CERS1: variants seen among roughly 807,000 people sequenced by gnomAD.
CERS1 encodes Embryonic growth/differentiation factor 1.
In CERS1, 16 loss-of-function variants were observed where a neutral mutation model predicts 35.7. That is an observed-to-expected ratio of 0.45 (90% confidence interval 0.30 to 0.68). The LOEUF is 0.68. Among genes scored for constraint, CERS1 ranks in the 30% least tolerant of loss-of-function variants. The pLI, the probability that CERS1 is intolerant of heterozygous loss-of-function variation, is 0.08. For synonymous variants in CERS1, 243 were observed against 201.6 expected (o/e 1.21, Z -1.74); for missense variants, 454 against 453.9 (o/e 1.00, Z 0.00).
At chr19:18,879,157 C>T in intron 5 of CERS1, 84 bp downstream of exon 5, 2 of 1,597,060 alleles carry the variant, frequency 1.3e-6, no homozygotes, top group Non-Finnish European at 1.7e-6. Flanking sequence ...CTAACGTGCC[C>T]CTCCCCGGGA....
At chr19:18,869,489 G>T (rs186263243) in intron 7 of CERS1, 99 bp from the exon 8 acceptor site, 2 of 1,436,088 alleles carry the variant, frequency 1.4e-6, no homozygotes, top group African/African-American at 1.5e-5. Flanking sequence ...CTGGGGCTCG[G>T]GGCGCACCGT....
rs45601540 is a variant in CERS1 at position 18,884,185 on chromosome 19, G to A, written c.492C>T (p.Tyr164=). The A allele has an allele frequency of 9.0e-3, 14,602 of 1,613,654 alleles. 100 individuals carry two copies. Among genetic ancestry groups the A allele is most frequent in the Non-Finnish European group, 0.011 (12,433 of 1,179,804 alleles). The change falls in exon 3 of 8, where the codon TAC becomes TAT. Residue 164 remains tyrosine, a synonymous_variant. Coordinates refer to ENST00000623882, the MANE Select transcript of CERS1 (RefSeq NM_021267.5). ...GCCAGGTGTCCATGTATAGCGTAGC[G>A]TAGATGGAGTGGCCATAGAAGCTTC... ...LQGSFYGHSI[Y]ATLYMDTWRK... is the part of the protein sequence containing the mutation.
intron 2 of CERS1, among the ~76,000 whole-genome samples, chr19:18,889,289 A>C (rs1270324225): frequency 6.6e-6 from 1 of 152,164 alleles, no homozygotes; most frequent in East Asian, 1.9e-4. Flanking sequence ...TGTGAGCCCG[A>C]GCTTTTGCCC....
rs958445960 is a variant in CERS1 at position 18,880,978 on chromosome 19, C to T, written c.591-543G>A. Among the ~76,000 whole-genome samples, 7 of 151,884 alleles carry T rather than the reference C, an allele frequency of 4.6e-5. No homozygotes were observed. The East Asian group carries it at 1.4e-3, about 30-fold the overall frequency. The stretch of plus-strand genomic sequence containing the variant: ...CCTCCCAAAGTGCTGGGATTACAGG[C>T]GCGAGCCACTGTGCCCGGTCTTGGA... On this transcript the variant is annotated intron_variant, in intron 3 of 7. Coordinates refer to ENST00000623882, the MANE Select transcript of CERS1 (RefSeq NM_021267.5).
rs919007391 is a variant in CERS1, at chr19:18,878,770, C to T, written c.1010+160G>A. 1.2e-5 allele frequency: 17 copies of T among 1,443,510 alleles called. No homozygotes were observed. The African/African-American group carries it at 1.7e-4, about 14-fold the overall frequency. The allele number at this position is 1,443,510 out of a possible 1,614,324, so 89.4% of individuals were successfully genotyped here. On this transcript the variant is annotated intron_variant, in intron 6 of 7. Transcript: ENST00000623882. The surrounding 1 kb of genome is among the most constrained non-coding windows in gnomAD (Gnocchi z 4.6). ...CTGTCCTTCAGGGTACTGGCCACAT[C>T]GTCCACGCCTTTATTGCAGTCTCTG...
chr19:18,878,774 C>T lies in CERS1; in HGVS notation c.1010+156G>A. 6.9e-7 allele frequency: 1 copy of T among 1,453,146 alleles called. No homozygotes were observed. The highest frequency in any genetic ancestry group is 2.5e-5 in the East Asian group (1 of 39,546). 90.0% of individuals were successfully genotyped at this position (1,453,146 alleles called of 1,614,324 possible). ...CCTTCAGGGTACTGGCCACATCGTCCACGCCTTTATTGCAGTCTCTGTTTT... is the reference window on the plus strand; with the variant it reads ...CCTTCAGGGTACTGGCCACATCGTCTACGCCTTTATTGCAGTCTCTGTTTT... On this transcript the variant is annotated intron_variant, in intron 6 of 7. Transcript: ENST00000623882. The surrounding 1 kb of genome is among the most constrained non-coding windows in gnomAD (Gnocchi z 4.6).
rs1207248028 is a variant in CERS1, at chr19:18,895,586, C to G, written c.249+238G>C. Among the ~76,000 whole-genome samples the G allele has an allele frequency of 6.6e-6, 1 of 151,740 alleles. No individual in the cohort carries two copies. The highest frequency in any genetic ancestry group is 1.5e-5 in the Non-Finnish European group (1 of 67,880). On this transcript the variant is annotated intron_variant, in intron 1 of 7. Transcript: ENST00000623882. The surrounding 1 kb of genome is among the most constrained non-coding windows in gnomAD (Gnocchi z 6.4). ...CCCCAGCCCGGCCACACCCCCGCATCTACCCGGTTCCCCCACGCAGCACTG... is the reference window on the plus strand; with the variant it reads ...CCCCAGCCCGGCCACACCCCCGCATGTACCCGGTTCCCCCACGCAGCACTG...
At position 18,870,407 on chromosome 19, in the gene CERS1, T is replaced by TG; in HGVS notation, c.*169dup. The TG allele has an allele frequency of 1.8e-6, 2 of 1,084,356 alleles. No homozygotes were observed. Among genetic ancestry groups the TG allele is most frequent in the Non-Finnish European group, 2.4e-6 (2 of 823,326 alleles). The allele number at this position is 1,084,356 out of a possible 1,614,324, so 67.2% of individuals were successfully genotyped here. A position where few individuals can be genotyped will look rare whatever the true frequency, so the allele number is the denominator to read the frequency against. ...GGTGTCCCCGGAGGGGCAGGGGTCC[T>TG]GGGGGGCGTGGCCGGGAACTGGAGG... On this transcript the variant is annotated 3_prime_UTR_variant, in exon 7 of 8. Coordinates refer to ENST00000623882, the MANE Select transcript of CERS1 (RefSeq NM_021267.5). The surrounding 1 kb of genome is among the most constrained non-coding windows in gnomAD (Gnocchi z 5.1).
chr19:18,894,984 C>T (rs1326839028), intron 1 of CERS1, among the ~76,000 whole-genome samples: 2 of 152,226 alleles, frequency 1.3e-5, no homozygotes, highest in Non-Finnish European at 2.9e-5. Context: ...CGACCCCTCC[C>T]CAGGGAAGTG....
intron 2 of CERS1, 24 bp downstream of exon 2, chr19:18,893,392 C>A: frequency 6.3e-7 from 1 of 1,586,294 alleles, no homozygotes; most frequent in East Asian, 2.3e-5. Flanking sequence ...AGAGCCCTCC[C>A]GGCCATCCCC....
At chr19:18,879,663 C>G (rs1423114836) in intron 4 of CERS1, among the ~76,000 whole-genome samples, 1 of 149,728 alleles carries the variant, frequency 6.7e-6, no homozygotes, top group African/African-American at 2.5e-5. Context: ...CAGTCCCTCC[C>G]CTTCTCTGCT....
chr19:18,870,031 C>A lies in CERS1; in HGVS notation c.*546G>T. 6.3e-7 allele frequency: 1 copy of A among 1,596,884 alleles called. No individual in the cohort carries two copies. The highest frequency in any genetic ancestry group is 2.3e-5 in the East Asian group (1 of 43,968). The stretch of plus-strand genomic sequence containing the variant: ...ATGTTTCCGGCGACCCCCAGCTCCT[C>A]CACGTGGCACGGTTGCAGGGTGACC... On this transcript the variant is annotated 3_prime_UTR_variant, in exon 7 of 8. Transcript: ENST00000623882. The surrounding 1 kb of genome is among the most constrained non-coding windows in gnomAD (Gnocchi z 5.1).
chr19:18,870,217 C>CG lies in CERS1; in HGVS notation c.*359dup. On this transcript the variant is annotated 3_prime_UTR_variant, in exon 7 of 8. Transcript: ENST00000623882. This position sits in a 1 kb window ranked among gnomAD's most constrained non-coding sequence, Gnocchi z 5.1. ...AGGGCGGCGGCTGGGCCTGGGGGCA[C>CG]GGGGGCGCGGGTCAGGGGCAGCGAG... 2 of 1,554,084 alleles carry CG rather than the reference C, an allele frequency of 1.3e-6. No homozygotes were observed. Among genetic ancestry groups the CG allele is most frequent in the Non-Finnish European group, 8.7e-7 (1 of 1,155,440 alleles).
intron 6 of CERS1, among the ~76,000 whole-genome samples, chr19:18,872,709 T>A (rs1364603999): frequency 6.3e-4 from 96 of 152,008 alleles, no homozygotes; most frequent in Middle Eastern, 3.4e-3. Flanking sequence ...AGAGATGCGG[T>A]TTTACCATGT....
At chr19:18,896,849 G>A (rs765588535), upstream of CERS1, 17 of 149,118 alleles carry the variant, frequency 1.1e-4, no homozygotes, top group Non-Finnish European at 2.4e-4. This position sits in a 1 kb window ranked among gnomAD's most constrained non-coding sequence, Gnocchi z 5.9. Flanking sequence ...GGGCTACTGG[G>A]ACAAAGGTGT....
chr19:18,889,516 A>AAGCCTC (rs2056442855), intron 2 of CERS1, among the ~76,000 whole-genome samples: 1 of 152,160 alleles, frequency 6.6e-6, no homozygotes, highest in Non-Finnish European at 1.5e-5. Flanking sequence ...TCCCGGGCTC[A>AAGCCTC]AGCCTCAGCC....
chr19:18,887,137 A>G (rs2056381929), intron 2 of CERS1, among the ~76,000 whole-genome samples: 4 of 152,270 alleles, frequency 2.6e-5, no homozygotes, highest in African/African-American at 9.6e-5. Context: ...AAGAATAGAT[A>G]GGTTACCTCC....
chr19:18,895,877 C>A lies in CERS1; in HGVS notation c.196G>T (p.Gly66Cys). ...APPELLLLAL[G>C]ALGWTALRSA... ...CGCAGGGCGGTCCAGCCCAGCGCGCCGAGCGCCAGCAGCAGCAGCTCGGGC... is the reference window on the plus strand; with the variant it reads ...CGCAGGGCGGTCCAGCCCAGCGCGCAGAGCGCCAGCAGCAGCAGCTCGGGC... Residue 66 changes from glycine to cysteine, a missense_variant, in exon 1 of 8, where the codon GGC becomes TGC. Transcript: ENST00000623882. The surrounding 1 kb of genome is among the most constrained non-coding windows in gnomAD (Gnocchi z 6.4). The A allele has an allele frequency of 7.8e-7, 1 of 1,281,994 alleles. No homozygotes were observed. The highest frequency in any genetic ancestry group is 2.1e-5 in the South Asian group (1 of 47,108). The allele number at this position is 1,281,994 out of a possible 1,614,324, so 79.4% of individuals were successfully genotyped here.
chr19:18,885,055 G>C (rs1209791043), intron 2 of CERS1, among the ~76,000 whole-genome samples: 2 of 151,992 alleles, frequency 1.3e-5, no homozygotes, highest in African/African-American at 4.8e-5. Context: ...TGGGTTTCTA[G>C]GAAAATTGAG....
Sources: gnomAD v4.1 joint callset for allele counts (sites outside exome capture counted in the v4.1 genomes callset) on GRCh38, gnomAD v4.1.1 for gene constraint, Gnocchi (gnomAD v3.1) non-coding constraint, MANE v1.5 for transcripts, NCBI Gene and HGNC (gene_info 2026-07-23, HGNC 2026-07-21) for gene names.